RASAL2: variants seen among roughly 807,000 people sequenced by gnomAD.
RASAL2 encodes the protein RAS protein activator like 2, also known as ras GTPase-activating protein nGAP.
A neutral mutation model predicts 128.9 loss-of-function variants in RASAL2; 58 were observed. The ratio of observed to expected loss-of-function variants is 0.45; its 90% CI spans 0.36 to 0.56. The LOEUF is 0.56. Among genes scored for constraint, RASAL2 ranks in the 20% least tolerant of loss-of-function variants. The pLI is 0.00. For missense variants in RASAL2, 1,360 were observed against 1,601.6 expected, an observed-to-expected ratio of 0.85 and a Z score of 2.57; for synonymous variants, 561 against 580.8, an observed-to-expected ratio of 0.97 and a Z score of 0.49.
At chr1:178,244,488 G>A (rs551680614) in intron 1 of RASAL2, among the ~76,000 whole-genome samples, 67 of 152,192 alleles carry the variant, frequency 4.4e-4, no homozygotes, top group African/African-American at 1.5e-3. Flanking sequence ...TAATCCACCC[G>A]CCTCGGCCTC....
At chr1:178,396,554 AT>A (rs1274419155) in intron 4 of RASAL2, among the ~76,000 whole-genome samples, 3 of 151,676 alleles carry the variant, frequency 2.0e-5, no homozygotes, top group Non-Finnish European at 4.4e-5. Flanking sequence ...ATGCAAAAAA[AT>A]ATATATATAT....
chr1:178,221,346 G>C (rs1247012892), intron 1 of RASAL2, among the ~76,000 whole-genome samples: 4 of 151,976 alleles, frequency 2.6e-5, no homozygotes, highest in Non-Finnish European at 5.9e-5. Context: ...GTATCCTAAG[G>C]TAGAAGCTTC....
chr1:178,451,451 C>A, intron 9 of RASAL2, 120 bp from the exon 10 acceptor site: 1 of 1,102,970 alleles, frequency 9.1e-7, no homozygotes, highest in Non-Finnish European at 1.3e-6. Flanking sequence ...TTGTGCCCTC[C>A]CTGTCAGATC....
chr1:178,292,730 G>A (rs1439422459), intron 2 of RASAL2, among the ~76,000 whole-genome samples: 5 of 152,266 alleles, frequency 3.3e-5, no homozygotes, highest in African/African-American at 1.2e-4. Flanking sequence ...GGAAATGGTA[G>A]AGAAGACAAA....
At chr1:178,161,958 T>TTTTATTTATTTA (rs56767855) in intron 1 of RASAL2, among the ~76,000 whole-genome samples, 1 of 150,402 alleles carries the variant, frequency 6.6e-6, no homozygotes, top group African/African-American at 2.5e-5. Context: ...ATTTATTTAT[T>TTTTATTTATTTA]TTTATTTATT....
intron 1 of RASAL2, among the ~76,000 whole-genome samples, chr1:178,213,977 C>T (rs1663340759): frequency 6.6e-6 from 1 of 151,752 alleles, no homozygotes; most frequent in Non-Finnish European, 1.5e-5. Context: ...GTAGCTCATA[C>T]CTGTAATTCT....
intron 3 of RASAL2, among the ~76,000 whole-genome samples, chr1:178,301,282 G>T (rs1667750245): frequency 6.6e-6 from 1 of 152,130 alleles, no homozygotes; most frequent in Non-Finnish European, 1.5e-5. Context: ...TTAGGTGTGG[G>T]CCTAAATTCT....
intron 4 of RASAL2, among the ~76,000 whole-genome samples, chr1:178,407,726 T>G (rs897017993): frequency 6.6e-6 from 1 of 152,190 alleles, no homozygotes; most frequent in African/African-American, 2.4e-5. Flanking sequence ...TTGTTGCACA[T>G]CCCTACATTT....
intron 3 of RASAL2, among the ~76,000 whole-genome samples, chr1:178,301,491 G>A (rs1026819727): frequency 4.0e-5 from 6 of 151,742 alleles, no homozygotes; most frequent in Admixed American, 3.9e-4. Flanking sequence ...GGAGTGCAAT[G>A]GCGTGATCTT....
intron 4 of RASAL2, among the ~76,000 whole-genome samples, chr1:178,406,588 A>G (rs1370211197): frequency 1.3e-5 from 2 of 152,220 alleles, no homozygotes; most frequent in Non-Finnish European, 2.9e-5. Flanking sequence ...ACCTGTTTTA[A>G]AAGAAATGTT....
rs781015018 is a variant in RASAL2 at position 178,464,294 on chromosome 1, A to G, written c.3269A>G (p.Asp1090Gly). The change falls in exon 15 of 18, where the codon GAC becomes GGC. Residue 1090 changes from aspartate (D) to glycine (G), a missense_variant. Physicochemically the swap from Asp to Gly is moderately conservative, Grantham distance 94 (BLOSUM62 -1). Coordinates refer to ENST00000367649, the MANE Select transcript of RASAL2 (RefSeq NM_170692.4). ...CTGATGCAGGTTCAGTCACCTGTGG[A>G]CTCTGCCACAATGTCCCCAGTAGAG... ...QQTQQVQSPV[D>G]SATMSPVERT... 9.9e-6 allele frequency: 16 copies of G among 1,612,794 alleles called. No individual in the cohort carries two copies. The highest frequency in any genetic ancestry group is 1.2e-5 in the Non-Finnish European group (14 of 1,179,376).
chr1:178,175,704 C>T (rs904014297), intron 1 of RASAL2, among the ~76,000 whole-genome samples: 8 of 151,596 alleles, frequency 5.3e-5, no homozygotes, highest in African/African-American at 7.3e-5. Flanking sequence ...TCCCAACCTC[C>T]GCCTTCTGAG....
chr1:178,349,558 A>G (rs1190102201), intron 3 of RASAL2, among the ~76,000 whole-genome samples: 1 of 152,142 alleles, frequency 6.6e-6, no homozygotes, highest in Non-Finnish European at 1.5e-5. Flanking sequence ...AAATTTCATC[A>G]TGTAAATAAT....
intron 5 of RASAL2, among the ~76,000 whole-genome samples, chr1:178,432,025 G>C (rs1675943514): frequency 6.6e-6 from 1 of 151,314 alleles, no homozygotes; most frequent in South Asian, 2.1e-4. Flanking sequence ...CTTTCTATAG[G>C]AGGTTGTGGG....
intron 1 of RASAL2, among the ~76,000 whole-genome samples, chr1:178,276,568 G>A (rs1282207621): frequency 6.6e-6 from 1 of 151,502 alleles, no homozygotes; most frequent in Non-Finnish European, 1.5e-5. Context: ...GCAGAGTACA[G>A]TGGTGTGATC....
rs574593839 is a variant in RASAL2, at chr1:178,100,478, C to T, written c.202+5784C>T. Among the ~76,000 whole-genome samples the T allele has an allele frequency of 3.0e-3, 446 of 150,348 alleles. 2 individuals are homozygous for T. Among genetic ancestry groups the T allele is most frequent in the African/African-American group, 0.01 (429 of 40,884 alleles). On this transcript the variant is annotated intron_variant, in intron 1 of 17. Transcript: ENST00000367649. ...GGGAGAGGTTGCAGCTAGCTGAGAT[C>T]GTGCCACTGCACTCCAGCCTGGGCA...
chr1:178,389,236 A>AATG (rs1283291746), intron 3 of RASAL2: 45 of 979,538 alleles, frequency 4.6e-5, no homozygotes, highest in Non-Finnish European at 5.5e-5. Flanking sequence ...GAGATTATCT[A>AATG]ATGTTATCTG....
chr1:178,256,499 T>G (rs1416503880), intron 1 of RASAL2, among the ~76,000 whole-genome samples: 1 of 152,160 alleles, frequency 6.6e-6, no homozygotes, highest in Non-Finnish European at 1.5e-5. Context: ...ACCAGGGCAA[T>G]TAGGCAACAT....
intron 5 of RASAL2, among the ~76,000 whole-genome samples, chr1:178,430,118 A>G (rs1024074226): frequency 6.6e-6 from 1 of 152,124 alleles, no homozygotes; most frequent in African/African-American, 2.4e-5. Context: ...CTATTGAGGA[A>G]CTCAATACAC....
Sources: allele counts gnomAD v4.1 joint callset (sites outside exome capture counted in the v4.1 genomes callset), GRCh38; gene constraint gnomAD v4.1.1; transcripts MANE v1.5; gene names NCBI Gene and HGNC (gene_info 2026-07-23, HGNC 2026-07-21).